Variants in FHIT observed in about 807,000 individuals in gnomAD.
The protein encoded by FHIT is bis(5'-adenosyl)-triphosphatase.
In FHIT, 19 loss-of-function variants were observed where a neutral mutation model predicts 17.9. The ratio of observed to expected loss-of-function variants is 1.06; its 90% CI spans 0.74 to 1.56. The LOEUF is 1.56. Ranked by LOEUF, FHIT falls within the 40% of genes most tolerant of loss-of-function variation. The pLI, the probability that FHIT is intolerant of heterozygous loss-of-function variation, is 0.00. For missense variants in FHIT, 248 were observed against 189.2 expected (o/e 1.31, Z -1.82); for synonymous variants, 81 against 69.7 (o/e 1.16, Z -0.81).
At chr3:60,276,842 T>C (rs1177330587) in intron 5 of FHIT, among the ~76,000 whole-genome samples, 2 of 152,064 alleles carry the variant, frequency 1.3e-5, no homozygotes, top group East Asian at 3.9e-4. Context: ...AGTCCCAGCC[T>C]CTTTTAAACA....
At chr3:60,587,594 G>A (rs1287735209) in intron 4 of FHIT, among the ~76,000 whole-genome samples, 2 of 152,004 alleles carry the variant, frequency 1.3e-5, no homozygotes, top group Non-Finnish European at 2.9e-5. Flanking sequence ...TTAGAGAAAT[G>A]TCTTTTGTCC....
chr3:60,080,280 G>A (rs1185209080), intron 5 of FHIT, among the ~76,000 whole-genome samples: 1 of 152,090 alleles, frequency 6.6e-6, no homozygotes, highest in African/African-American at 2.4e-5. Context: ...GCGATTCAGG[G>A]TTGTGCTTGT....
chr3:60,928,275 CT>C (rs1419376164), intron 3 of FHIT, among the ~76,000 whole-genome samples: 127 of 150,578 alleles, frequency 8.4e-4, no homozygotes, highest in African/African-American at 3.1e-3. Flanking sequence ...CGAAATCCCC[CT>C]CTCTGAGAAA....
chr3:59,911,659 G>A (rs915925204), intron 8 of FHIT, among the ~76,000 whole-genome samples: 1 of 152,096 alleles, frequency 6.6e-6, no homozygotes, highest in Non-Finnish European at 1.5e-5. Flanking sequence ...AAATACCTTG[G>A]CATCTCAGGA....
At chr3:60,400,401 G>T (rs1701616739) in intron 5 of FHIT, among the ~76,000 whole-genome samples, 1 of 152,124 alleles carries the variant, frequency 6.6e-6, no homozygotes. Context: ...CAAGTTCGTG[G>T]CATCAGACTT....
At position 60,318,083 on chromosome 3, in the gene FHIT, T is replaced by TGCCCC. The variant is rs140707638; in HGVS notation, c.103+218772_103+218776dup. On this transcript the variant is annotated intron_variant, in intron 5 of 9. Transcript: ENST00000492590. Reference sequence around the variant, plus strand: ...CTGGGATTACAGGCATGAGCCACCATGCCCCGCCCCATTCTGGGCATCTTA... The same window carrying TGCCCC: ...CTGGGATTACAGGCATGAGCCACCATGCCCCGCCCCGCCCCATTCTGGGCATCTTA... Among the ~76,000 whole-genome samples the TGCCCC allele has an allele frequency of 7.2e-3, 1,089 of 152,216 alleles. 14 individuals carry two copies. The highest frequency in any genetic ancestry group is 0.025 in the African/African-American group (1,023 of 41,548).
intron 5 of FHIT, among the ~76,000 whole-genome samples, chr3:60,035,013 A>G (rs1179798101): frequency 6.6e-6 from 1 of 152,192 alleles, no homozygotes; most frequent in Non-Finnish European, 1.5e-5. Flanking sequence ...CATTTTATAA[A>G]CCTTAACTCA....
At chr3:60,370,759 A>C (rs562692897) in intron 5 of FHIT, among the ~76,000 whole-genome samples, 1 of 152,240 alleles carries the variant, frequency 6.6e-6, no homozygotes, top group African/African-American at 2.4e-5. Context: ...CACTCACTCT[A>C]TTCCCACAGC....
intron 2 of FHIT, among the ~76,000 whole-genome samples, chr3:61,049,719 A>G (rs1003204999): frequency 4.6e-5 from 7 of 152,190 alleles, no homozygotes; most frequent in Non-Finnish European, 7.3e-5. Context: ...GGTTCAGGAC[A>G]TGCTTTCCTA....
chr3:60,456,692 T>A (rs976225658), intron 5 of FHIT, among the ~76,000 whole-genome samples: 12 of 152,274 alleles, frequency 7.9e-5, no homozygotes, highest in African/African-American at 2.9e-4. Context: ...TTTACTGATA[T>A]CAGCACTGAA....
intron 5 of FHIT, among the ~76,000 whole-genome samples, chr3:60,528,831 C>T (rs951109159): frequency 3.3e-5 from 5 of 152,184 alleles, no homozygotes; most frequent in African/African-American, 1.2e-4. Context: ...ACTCTCCAGA[C>T]CTCCCCACAA....
At chr3:60,074,513 T>C (rs1407005859) in intron 5 of FHIT, among the ~76,000 whole-genome samples, 3 of 152,060 alleles carry the variant, frequency 2.0e-5, no homozygotes, top group East Asian at 3.9e-4. Context: ...CATTCATTCA[T>C]TCATTCAGCA....
intron 4 of FHIT, among the ~76,000 whole-genome samples, chr3:60,786,721 T>C (rs1431957626): frequency 6.6e-6 from 1 of 152,208 alleles, no homozygotes; most frequent in Non-Finnish European, 1.5e-5. Flanking sequence ...AATAGGTATA[T>C]GTCTTTTTCA....
chr3:60,887,485 A>AAAATAC (rs1194547058), intron 3 of FHIT, among the ~76,000 whole-genome samples: 1 of 151,998 alleles, frequency 6.6e-6, no homozygotes, highest in Admixed American at 6.6e-5. Flanking sequence ...TCTCTACTAA[A>AAAATAC]AAATACAAAA....
intron 1 of FHIT, among the ~76,000 whole-genome samples, chr3:61,240,963 A>G (rs146464183): frequency 6.6e-6 from 1 of 152,340 alleles, no homozygotes; most frequent in African/African-American, 2.4e-5. Flanking sequence ...TACATAGTCT[A>G]TGCTTCCAGG....
At chr3:60,431,648 A>C (rs1250602646) in intron 5 of FHIT, among the ~76,000 whole-genome samples, 1 of 152,152 alleles carries the variant, frequency 6.6e-6, no homozygotes, top group East Asian at 1.9e-4. Context: ...CACATGCAGT[A>C]AATGACAAAG....
intron 5 of FHIT, among the ~76,000 whole-genome samples, chr3:60,521,566 C>T (rs1274931698): frequency 6.6e-6 from 1 of 152,134 alleles, no homozygotes; most frequent in African/African-American, 2.4e-5. Context: ...AATTATTATA[C>T]CATGCTTCCA....
chr3:60,499,671 G>T (rs975906778), intron 5 of FHIT, among the ~76,000 whole-genome samples: 12 of 152,042 alleles, frequency 7.9e-5, no homozygotes, highest in Admixed American at 7.9e-4. Flanking sequence ...GAGCCACCGC[G>T]CCCGGCCTCT....
chr3:61,239,665 T>C (rs1323814897), intron 1 of FHIT, among the ~76,000 whole-genome samples: 1 of 151,174 alleles, frequency 6.6e-6, no homozygotes, highest in Admixed American at 6.6e-5. Flanking sequence ...TGATATTTTA[T>C]ATAGATCATC....
Sources: gnomAD v4.1 joint callset for allele counts (sites outside exome capture counted in the v4.1 genomes callset) on GRCh38, gnomAD v4.1.1 for gene constraint, MANE v1.5 for transcripts, NCBI Gene and HGNC (gene_info 2026-07-23, HGNC 2026-07-21) for gene names.